Variants in RBM17 observed in about 807,000 individuals in gnomAD.
RBM17 encodes RNA binding motif protein 17.
In RBM17, 7 loss-of-function variants were observed where a neutral mutation model predicts 53.2. The ratio of observed to expected loss-of-function variants is 0.13; its 90% CI spans 0.07 to 0.25. The LOEUF is 0.25. Among genes scored for constraint, RBM17 ranks in the 10% least tolerant of loss-of-function variants. The pLI, the probability that RBM17 is intolerant of heterozygous loss-of-function variation, is 1.00. For missense variants in RBM17, 257 were observed against 496.7 expected, an observed-to-expected ratio of 0.52 and a Z score of 4.59; for synonymous variants, 167 against 178.1, an observed-to-expected ratio of 0.94 and a Z score of 0.50.
rs190223081 is a variant in RBM17 at position 6,114,318 on chromosome 10, G to A, written c.1029+171G>A. The A allele has an allele frequency of 5.7e-5, 28 of 487,054 alleles. No individual in the cohort carries two copies. In the East Asian group the frequency reaches 1.0e-3, roughly 18 times the overall value. The allele number at this position is 487,054 out of a possible 1,614,324, so 30.2% of individuals were successfully genotyped here. A position where few individuals can be genotyped will look rare whatever the true frequency, so the allele number is the denominator to read the frequency against. On this transcript the variant is annotated intron_variant, in intron 10 of 11. Coordinates refer to ENST00000379888, the MANE Select transcript of RBM17 (RefSeq NM_032905.5). ...CAATTATTACAGTTTTAAACATAAA[G>A]ACAATGATTTCAAGTTTTATTTGAT...
chr10:6,110,028 C>T lies in RBM17; in HGVS notation c.605C>T (p.Ser202Leu). The T allele has an allele frequency of 6.2e-7, 1 of 1,613,142 alleles. No individual in the cohort carries two copies. The change falls in exon 7 of 12, where the codon TCA (serine) becomes TTA (leucine). Residue 202 changes from serine to leucine, a missense_variant. Coordinates refer to ENST00000379888, the MANE Select transcript of RBM17 (RefSeq NM_032905.5). ...TATGAAGAGGACTCAAGACCTCGAT[C>T]ACAGTCTTCCAAAGCAGCCATTCCT... ...FPYEEDSRPR[S>L]QSSKAAIPPP...
Position 6,112,543 on chromosome 10 carries a change from C to G in RBM17, c.856+182C>G. ...CTGTTCATATGATGCACTGCCACTT[C>G]CGTTTTGTGAAACCAGGAATCCTGA... On this transcript the variant is annotated intron_variant, in intron 8 of 11. Coordinates refer to ENST00000379888, the MANE Select transcript of RBM17 (RefSeq NM_032905.5). The surrounding 1 kb of genome is among the most constrained non-coding windows in gnomAD (Gnocchi z 4.4). 1 of 665,214 alleles carries G rather than the reference C, an allele frequency of 1.5e-6. No individual in the cohort carries two copies. Among genetic ancestry groups the G allele is most frequent in the Non-Finnish European group, 2.6e-6 (1 of 379,944 alleles). 41.2% of individuals were successfully genotyped at this position (665,214 alleles called of 1,614,324 possible).
At position 6,112,178 on chromosome 10, in the gene RBM17, G is replaced by A. The variant is rs1430110712; in HGVS notation, c.705-32G>A. 1 of 1,603,670 alleles carries A rather than the reference G, an allele frequency of 6.2e-7. No individual in the cohort carries two copies. The highest frequency in any genetic ancestry group is 1.7e-5 in the Admixed American group (1 of 59,802). On this transcript the variant is annotated intron_variant, in intron 7 of 11. Transcript: ENST00000379888. This position sits in a 1 kb window ranked among gnomAD's most constrained non-coding sequence, Gnocchi z 4.4. The stretch of plus-strand genomic sequence containing the variant: ...CCTATCTCCAGTTGACGATGTCAAG[G>A]CTAAGAGTCCTTTCCCTTCTTCTCC...
chr10:6,090,894 T>A (rs1000811836), intron 1 of RBM17, among the ~76,000 whole-genome samples: 3 of 134,358 alleles, frequency 2.2e-5, no homozygotes, highest in African/African-American at 9.4e-5. Context: ...TCATGGTAGA[T>A]CTTATACTTG....
intron 2 of RBM17, among the ~76,000 whole-genome samples, chr10:6,099,623 G>A (rs781489310): frequency 1.3e-5 from 2 of 151,884 alleles, no homozygotes; most frequent in African/African-American, 4.8e-5. Context: ...GTAAAAAGTT[G>A]TTATACCGTA....
intron 2 of RBM17, among the ~76,000 whole-genome samples, chr10:6,100,849 A>G (rs777387745): frequency 3.9e-5 from 6 of 152,194 alleles, no homozygotes; most frequent in African/African-American, 1.4e-4. Flanking sequence ...CTTTCTTTCA[A>G]ATGGTCTAGC....
At chr10:6,115,024 T>C in intron 10 of RBM17, 1 of 561,500 alleles carries the variant, frequency 1.8e-6, no homozygotes, top group East Asian at 3.0e-5. Flanking sequence ...TGCCTAGCCC[T>C]GTGTTCCTGG....
intron 1 of RBM17, among the ~76,000 whole-genome samples, chr10:6,096,115 TTCTG>T (rs1347056406): frequency 2.6e-5 from 4 of 152,360 alleles, no homozygotes; most frequent in East Asian, 3.9e-4. Flanking sequence ...TAAGTTCTCT[TTCTG>T]TCTGTGAGAT....
rs1403573641 is a variant in RBM17, at chr10:6,112,161, C to T, written c.705-49C>T. 9 of 1,588,882 alleles carry T rather than the reference C, an allele frequency of 5.7e-6. No individual in the cohort carries two copies. Among genetic ancestry groups the T allele is most frequent in the Non-Finnish European group, 8.5e-7 (1 of 1,170,658 alleles). ...GTGATGGAAAAATGCAACCTATCTC[C>T]AGTTGACGATGTCAAGGCTAAGAGT... On this transcript the variant is annotated intron_variant, in intron 7 of 11. Transcript: ENST00000379888. The surrounding 1 kb of genome is among the most constrained non-coding windows in gnomAD (Gnocchi z 4.4).
chr10:6,098,563 G>GTTTTTGTTTTTTTTTTTTT (rs1840616033), intron 2 of RBM17, among the ~76,000 whole-genome samples: 1 of 46,640 alleles, frequency 2.1e-5, no homozygotes, highest in African/African-American at 8.0e-5. Context: ...CAGGTTTTTT[G>GTTTTTGTTTTTTTTTTTTT]TTTTTTTTTT....
chr10:6,113,607 T>TC (rs770524965), intron 9 of RBM17, 26 bp downstream of exon 9: 5 of 1,479,446 alleles, frequency 3.4e-6, no homozygotes, highest in Non-Finnish European at 3.8e-6. Context: ...AAGCAAGCTC[T>TC]CTGCCTGCCT....
intron 2 of RBM17, 98 bp downstream of exon 2, chr10:6,097,286 T>C (rs1840590535): frequency 1.6e-6 from 2 of 1,254,552 alleles, no homozygotes; most frequent in African/African-American, 1.5e-5. Flanking sequence ...TCTGCCTTTG[T>C]ATTGGGTAAA....
chr10:6,103,591 A>G (rs1418286878), intron 3 of RBM17, among the ~76,000 whole-genome samples: 4 of 152,218 alleles, frequency 2.6e-5, no homozygotes, highest in African/African-American at 9.6e-5. Flanking sequence ...ATACAAATGT[A>G]TAACTAACCT....
intron 3 of RBM17, 82 bp from the exon 4 acceptor site, chr10:6,104,849 T>TC (rs1840723578): frequency 1.7e-6 from 2 of 1,152,492 alleles, no homozygotes; most frequent in Non-Finnish European, 2.5e-6. Context: ...TCCTTTTATC[T>TC]CCCATACGCT....
chr10:6,109,261 T>C (rs1840802282), intron 6 of RBM17, among the ~76,000 whole-genome samples: 2 of 152,244 alleles, frequency 1.3e-5, no homozygotes, highest in Admixed American at 6.5e-5. Flanking sequence ...ACTGGACTTC[T>C]GAATATCATC....
At chr10:6,114,440 G>A (rs1305630865) in intron 10 of RBM17, 4 of 307,766 alleles carry the variant, frequency 1.3e-5, no homozygotes, top group African/African-American at 8.8e-5. Flanking sequence ...ACATGCCTTT[G>A]GTTTCAGTCA....
chr10:6,095,800 G>A (rs1840563964), intron 1 of RBM17, among the ~76,000 whole-genome samples: 1 of 152,196 alleles, frequency 6.6e-6, no homozygotes, highest in Admixed American at 6.5e-5. Context: ...ACTCCACACA[G>A]TGTGGTACCA....
At chr10:6,100,945 T>C (rs1028876097) in intron 2 of RBM17, among the ~76,000 whole-genome samples, 1 of 152,208 alleles carries the variant, frequency 6.6e-6, no homozygotes, top group African/African-American at 2.4e-5. Flanking sequence ...TAAAAACTTT[T>C]TTTTGTAGAT....
intron 6 of RBM17, among the ~76,000 whole-genome samples, chr10:6,109,335 T>A (rs1185450084): frequency 6.6e-6 from 1 of 152,210 alleles, no homozygotes; most frequent in Admixed American, 6.5e-5. Context: ...ATATTCTCAT[T>A]TATAGTACTT....
Sources: allele counts gnomAD v4.1 joint callset (sites outside exome capture counted in the v4.1 genomes callset), GRCh38; gene constraint gnomAD v4.1.1; non-coding constraint Gnocchi (gnomAD v3.1); transcripts MANE v1.5; gene names NCBI Gene and HGNC (gene_info 2026-07-23, HGNC 2026-07-21).